CAMK2D: variants seen among roughly 807,000 people sequenced by gnomAD.
CAMK2D encodes the protein calcium/calmodulin-dependent protein kinase type II subunit delta.
CAMK2D carries 37 observed loss-of-function variants against 84.0 expected under a neutral mutation model. The observed-to-expected ratio is 0.44, with a 90% CI of 0.34 to 0.58. CAMK2D has a LOEUF of 0.58. Ranked by LOEUF, CAMK2D falls within the 20% of genes least tolerant of loss-of-function variation. The pLI, the probability that CAMK2D is intolerant of heterozygous loss-of-function variation, is 0.02. For synonymous variants in CAMK2D, 202 were observed against 212.5 expected, an observed-to-expected ratio of 0.95 and a Z score of 0.43; for missense variants, 448 against 652.5, an observed-to-expected ratio of 0.69 and a Z score of 3.41.
In CAMK2D at chr4:113,454,401, C is replaced by A; in HGVS notation, c.*144G>T. On this transcript the variant is annotated 3_prime_UTR_variant, in exon 21 of 21. Transcript: ENST00000511664. Reference sequence around the variant, plus strand: ...ATCACATATGCATTACATGTAGGACCTTCACAACTTCATGCACTCAGAAAC... The same window carrying A: ...ATCACATATGCATTACATGTAGGACATTCACAACTTCATGCACTCAGAAAC... 2 of 737,106 alleles carry A rather than the reference C, an allele frequency of 2.7e-6. No homozygotes were observed. The highest frequency in any genetic ancestry group is 3.0e-5 in the South Asian group (2 of 67,388). 45.7% of individuals were successfully genotyped at this position (737,106 alleles called of 1,614,324 possible).
At chr4:113,558,200 C>A (rs1367674920) in intron 4 of CAMK2D, among the ~76,000 whole-genome samples, 2 of 152,198 alleles carry the variant, frequency 1.3e-5, no homozygotes, top group African/African-American at 4.8e-5. Context: ...TACAAAAGTT[C>A]AGTTTTCATA....
intron 2 of CAMK2D, among the ~76,000 whole-genome samples, chr4:113,716,525 C>T (rs1172145589): frequency 3.3e-5 from 5 of 151,950 alleles, no homozygotes; most frequent in African/African-American, 1.2e-4. Flanking sequence ...GTGGTGCACA[C>T]CTGTAGTCCC....
At chr4:113,571,197 T>C (rs1037154435) in intron 4 of CAMK2D, among the ~76,000 whole-genome samples, 20 of 152,214 alleles carry the variant, frequency 1.3e-4, no homozygotes, top group Non-Finnish European at 1.5e-5. Context: ...GGTGGGAATG[T>C]AAATTACTAC....
intron 5 of CAMK2D, chr4:113,548,584 C>A: frequency 2.8e-6 from 2 of 713,982 alleles, no homozygotes; most frequent in South Asian, 1.7e-5. Flanking sequence ...TTTTAAATAC[C>A]CACCCTCTGC....
At chr4:113,571,029 C>G (rs1290929814) in intron 4 of CAMK2D, among the ~76,000 whole-genome samples, 1 of 152,112 alleles carries the variant, frequency 6.6e-6, no homozygotes, top group Non-Finnish European at 1.5e-5. Flanking sequence ...AAATGGCCAA[C>G]AGGTGTATGA....
chr4:113,662,980 T>A (rs1169921512), intron 2 of CAMK2D, among the ~76,000 whole-genome samples: 1 of 152,176 alleles, frequency 6.6e-6, no homozygotes, highest in Non-Finnish European at 1.5e-5. Flanking sequence ...TATTAATAAC[T>A]CAAAGTGTCA....
intron 7 of CAMK2D, 103 bp downstream of exon 7, chr4:113,537,238 A>T (rs952152574): frequency 9.9e-6 from 6 of 608,312 alleles, no homozygotes; most frequent in Middle Eastern, 2.7e-4. Context: ...AATTGTTATT[A>T]GGATGAAGTT....
intron 2 of CAMK2D, among the ~76,000 whole-genome samples, chr4:113,740,653 T>C (rs1209720429): frequency 6.6e-6 from 1 of 152,138 alleles, no homozygotes; most frequent in Non-Finnish European, 1.5e-5. Context: ...AGTAGTCATC[T>C]ACTATGAGAT....
intron 2 of CAMK2D, among the ~76,000 whole-genome samples, chr4:113,746,349 A>G (rs1562195295): frequency 1.3e-5 from 2 of 152,116 alleles, no homozygotes; most frequent in African/African-American, 4.8e-5. Context: ...TATTAACTCA[A>G]TTTCTATAAA....
intron 12 of CAMK2D, among the ~76,000 whole-genome samples, chr4:113,511,399 A>AAAC (rs2154162919): frequency 1.3e-5 from 2 of 152,330 alleles, no homozygotes; most frequent in East Asian, 1.9e-4. Flanking sequence ...GATGAAAAGG[A>AAAC]AACTGTGAGG....
intron 4 of CAMK2D, among the ~76,000 whole-genome samples, chr4:113,584,996 C>T (rs1041556023): frequency 2.6e-5 from 4 of 152,156 alleles, no homozygotes; most frequent in Admixed American, 6.5e-5. Context: ...GCTGTTTATC[C>T]GGGTCCCACA....
chr4:113,746,180 G>A (rs73845552), intron 2 of CAMK2D, among the ~76,000 whole-genome samples: 1,780 of 152,240 alleles, frequency 0.012, 34 homozygotes, highest in African/African-American at 0.041. Context: ...GAAATTATCT[G>A]CTCAAAGCTA....
chr4:113,466,814 G>A lies in CAMK2D; in HGVS notation c.1136-1210C>T, dbSNP rs573141465. 5.3e-5 allele frequency among the ~76,000 whole-genome samples: 8 copies of A among 152,076 alleles called. No homozygotes were observed. In the South Asian group the frequency reaches 1.2e-3, roughly 24 times the overall value. Reference sequence around the variant, plus strand: ...AAAGCCTGCAGCATCTGTATCACTCGGCAATTATGCATATGCTATCTCTTG... The same window carrying A: ...AAAGCCTGCAGCATCTGTATCACTCAGCAATTATGCATATGCTATCTCTTG... On this transcript the variant is annotated intron_variant, in intron 16 of 20. Transcript: ENST00000511664.
At chr4:113,703,172 A>G (rs1236407638) in intron 2 of CAMK2D, among the ~76,000 whole-genome samples, 1 of 152,228 alleles carries the variant, frequency 6.6e-6, no homozygotes, top group African/African-American at 2.4e-5. Context: ...ATGAGAATAC[A>G]GATTTAATAG....
chr4:113,500,334 T>C (rs1187104084), intron 16 of CAMK2D, 129 bp downstream of exon 16: 1 of 496,754 alleles, frequency 2.0e-6, no homozygotes, highest in South Asian at 3.8e-5. Context: ...TTTTTACTCA[T>C]AAATAAAATA....
At chr4:113,604,422 TG>T (rs1316429853) in intron 4 of CAMK2D, among the ~76,000 whole-genome samples, 2 of 152,228 alleles carry the variant, frequency 1.3e-5, no homozygotes, top group Non-Finnish European at 2.9e-5. Context: ...TTTTAACCAT[TG>T]TTTTTCAATT....
At chr4:113,530,607 T>G (rs999571815) in intron 8 of CAMK2D, among the ~76,000 whole-genome samples, 1 of 152,174 alleles carries the variant, frequency 6.6e-6, no homozygotes, top group Non-Finnish European at 1.5e-5. Flanking sequence ...TTTGGTAGGA[T>G]GGAGGCCTCA....
chr4:113,500,529 C>A lies in CAMK2D; in HGVS notation c.1087-18G>T, dbSNP rs753160783. ...GTTGACTCCTGATGAGAAGAAAACA[C>A]ATTTTTAGGTTGCACGCAATGAATA... On this transcript the variant is annotated intron_variant, in intron 15 of 20. Coordinates refer to ENST00000511664, the MANE Select transcript of CAMK2D (RefSeq NM_001321571.2). The A allele has an allele frequency of 1.5e-5, 24 of 1,566,004 alleles. No homozygotes were observed. The highest frequency in any genetic ancestry group is 1.9e-5 in the Non-Finnish European group (22 of 1,142,612).
At chr4:113,535,455 T>C (rs994965212) in intron 7 of CAMK2D, among the ~76,000 whole-genome samples, 19 of 152,194 alleles carry the variant, frequency 1.2e-4, no homozygotes, top group African/African-American at 4.6e-4. Context: ...TCTATACTTC[T>C]ACTGGAATCA....
Sources: gnomAD v4.1 joint callset for allele counts (sites outside exome capture counted in the v4.1 genomes callset) on GRCh38, gnomAD v4.1.1 for gene constraint, MANE v1.5 for transcripts, NCBI Gene and HGNC (gene_info 2026-07-23, HGNC 2026-07-21) for gene names.